Variants in ATG2A observed in about 807,000 individuals in gnomAD.
ATG2A encodes autophagy-related protein 2 homolog A.
ATG2A carries 103 observed loss-of-function variants against 214.2 expected under a neutral mutation model. The observed-to-expected ratio is 0.48, with a 90% CI of 0.41 to 0.57. The LOEUF (loss-of-function observed/expected upper bound fraction) is 0.57, where lower values mean the gene tolerates loss of function less well. ATG2A is among the 20% of genes least tolerant of loss of function. The probability of loss-of-function intolerance (pLI) is 0.00; values close to 1 mark genes in which losing one functional copy is unlikely to be tolerated. For synonymous variants in ATG2A, 1,160 were observed against 1,142.1 expected, an observed-to-expected ratio of 1.02 and a Z score of -0.32; for missense variants, 2,312 against 2,613.2, an observed-to-expected ratio of 0.88 and a Z score of 2.51.
chr11:64,910,012 C>A, intron 13 of ATG2A, 28 bp downstream of exon 13: 1 of 1,558,268 alleles, frequency 6.4e-7, no homozygotes, highest in South Asian at 1.2e-5. Flanking sequence ...CACCCACCCC[C>A]GGCCTGGCCC....
Position 64,898,729 on chromosome 11 carries a change from C to T in ATG2A, c.4578G>A (p.Leu1526=). ...LSRQVFIVQE[L]EVRDRLASSQ... ...AGGAGGCGAGCCGGTCTCGGACCTC[C>T]AGCTCCTGCACGATGAACACCTGAC... Residue 1526 remains leucine (L), a synonymous_variant, in exon 32 of 41, where the codon CTG becomes CTA. Coordinates refer to ENST00000377264, the MANE Select transcript of ATG2A (RefSeq NM_015104.3). This position sits in a 1 kb window ranked among gnomAD's most constrained non-coding sequence, Gnocchi z 4.5. The T allele has an allele frequency of 6.2e-7, 1 of 1,614,138 alleles. No individual in the cohort carries two copies. Among genetic ancestry groups the T allele is most frequent in the Non-Finnish European group, 8.5e-7 (1 of 1,180,034 alleles).
chr11:64,903,389 C>A lies in ATG2A; in HGVS notation c.3536-25G>T. Reference sequence around the variant, plus strand: ...TCTGCAGCAGAGGCGAGAGAAAGGTCCTGTGGCCCCCTTCCACCCGGCCCC... The same window carrying A: ...TCTGCAGCAGAGGCGAGAGAAAGGTACTGTGGCCCCCTTCCACCCGGCCCC... On this transcript the variant is annotated intron_variant, in intron 25 of 40. Coordinates refer to ENST00000377264, the MANE Select transcript of ATG2A (RefSeq NM_015104.3). This position sits in a 1 kb window ranked among gnomAD's most constrained non-coding sequence, Gnocchi z 4.2. 6.2e-7 allele frequency: 1 copy of A among 1,612,524 alleles called. No individual in the cohort carries two copies. Among genetic ancestry groups the A allele is most frequent in the South Asian group, 1.1e-5 (1 of 90,986 alleles).
intron 24 of ATG2A, among the ~76,000 whole-genome samples, chr11:64,904,814 T>TTTTA (rs1555184651): frequency 0.011 from 7 of 658 alleles, no homozygotes; most frequent in African/African-American, 0.012. Context: ...TTTCTATATT[T>TTTTA]TTTATCTATC....
chr11:64,913,139 G>A lies in ATG2A; in HGVS notation c.727-3C>T, dbSNP rs765797149. The A allele has an allele frequency of 3.2e-6, 5 of 1,583,634 alleles. No individual in the cohort carries two copies. In the African/African-American group the frequency reaches 6.7e-5, roughly 21 times the overall value. ...AAGGGGGGCTCTGGAGGCTCTTCCT[G>A]GGAGACGGGAGGATACAAGAGGGAA... On this transcript the variant is annotated splice_polypyrimidine_tract_variant and splice_region_variant and intron_variant, in intron 5 of 40. Coordinates refer to ENST00000377264, the MANE Select transcript of ATG2A (RefSeq NM_015104.3). The surrounding 1 kb of genome is among the most constrained non-coding windows in gnomAD (Gnocchi z 4.3).
chr11:64,898,530 G>T lies in ATG2A; in HGVS notation c.4671+106C>A. The T allele has an allele frequency of 7.0e-7, 1 of 1,423,744 alleles. No individual in the cohort carries two copies. Among genetic ancestry groups the T allele is most frequent in the Non-Finnish European group, 9.7e-7 (1 of 1,028,658 alleles). The allele number at this position is 1,423,744 out of a possible 1,614,324, so 88.2% of individuals were successfully genotyped here. A position where few individuals can be genotyped will look rare whatever the true frequency, so the allele number is the denominator to read the frequency against. ...TCCCAGGCTCACAAACAACCTGGGT[G>T]TTTGTGTGGGAATGCGTGTATGTGT... On this transcript the variant is annotated intron_variant, in intron 32 of 40. Transcript: ENST00000377264. This position sits in a 1 kb window ranked among gnomAD's most constrained non-coding sequence, Gnocchi z 4.5.
chr11:64,898,440 A>G lies in ATG2A; in HGVS notation c.4672-78T>C. 1 of 1,372,950 alleles carries G rather than the reference A, an allele frequency of 7.3e-7. No homozygotes were observed. Among genetic ancestry groups the G allele is most frequent in the Middle Eastern group, 2.5e-4 (1 of 3,962 alleles). The allele number at this position is 1,372,950 out of a possible 1,614,324, so 85.0% of individuals were successfully genotyped here. ...TCACCCAGCTGTTCCCTGACAGCTC[A>G]CCCAGCCACCCTGCCTCTGAACACG... On this transcript the variant is annotated intron_variant, in intron 32 of 40. Coordinates refer to ENST00000377264, the MANE Select transcript of ATG2A (RefSeq NM_015104.3). The surrounding 1 kb of genome is among the most constrained non-coding windows in gnomAD (Gnocchi z 4.5).
rs747495712 is a variant in ATG2A at position 64,894,797 on chromosome 11, C to T, written c.*176G>A. 1.2e-6 allele frequency: 1 copy of T among 825,212 alleles called. No homozygotes were observed. Among genetic ancestry groups the T allele is most frequent in the South Asian group, 1.4e-5 (1 of 73,286 alleles). 51.1% of individuals were successfully genotyped at this position (825,212 alleles called of 1,614,324 possible). ...GAAAAGTGCAGAGCCAGGGCTAAGG[C>T]CCCAAGGCAGGGAGGCCCCCCTCTC... On this transcript the variant is annotated 3_prime_UTR_variant, in exon 41 of 41. Coordinates refer to ENST00000377264, the MANE Select transcript of ATG2A (RefSeq NM_015104.3).
chr11:64,913,191 G>T lies in ATG2A; in HGVS notation c.727-55C>A. The T allele has an allele frequency of 6.2e-7, 1 of 1,608,086 alleles. No homozygotes were observed. Reference sequence around the variant, plus strand: ...GGTTGAGAAAATGGAGTCAGAGATGGTCAGAAAGGATGGGAGGGGCTCAAT... The same window carrying T: ...GGTTGAGAAAATGGAGTCAGAGATGTTCAGAAAGGATGGGAGGGGCTCAAT... On this transcript the variant is annotated intron_variant, in intron 5 of 40. Coordinates refer to ENST00000377264, the MANE Select transcript of ATG2A (RefSeq NM_015104.3). This position sits in a 1 kb window ranked among gnomAD's most constrained non-coding sequence, Gnocchi z 4.3.
Position 64,909,704 on chromosome 11 carries a change from TC to T in ATG2A, c.2083del (p.Glu695AsnfsTer42). The T allele has an allele frequency of 3.7e-6, 6 of 1,613,168 alleles. No individual in the cohort carries two copies. The highest frequency in any genetic ancestry group is 5.1e-6 in the Non-Finnish European group (6 of 1,179,968). ...GPGPPVPTHL[E>X]LTCSDLHGIY... ...ACCATGTAGGTCGGAGCAGGTGAGTTCCAGGTGGGTGGGGACTGGGGGACCA... is the reference window on the plus strand; with the variant it reads ...ACCATGTAGGTCGGAGCAGGTGAGTTCAGGTGGGTGGGGACTGGGGGACCA... On this transcript the variant is annotated frameshift_variant, in exon 14 of 41. Transcript: ENST00000377264. LOFTEE classifies it high-confidence loss of function.
intron 6 of ATG2A, 58 bp from the exon 7 acceptor site, chr11:64,912,481 C>T: frequency 7.1e-7 from 1 of 1,416,130 alleles, no homozygotes; most frequent in African/African-American, 1.4e-5. Context: ...CCTCTAAGAG[C>T]TACCACCCGC....
In ATG2A at chr11:64,898,885, A is replaced by G. The variant is rs957444630; in HGVS notation, c.4465-43T>C. 3.8e-6 allele frequency: 6 copies of G among 1,572,020 alleles called. No individual in the cohort carries two copies. In the Admixed American group the frequency reaches 5.1e-5, roughly 13 times the overall value. ...GCCTGGCCAGGTAAGCAGGGCCCCA[A>G]GAGGGAGGGAAGGGCTGGCCCCAGA... On this transcript the variant is annotated intron_variant, in intron 31 of 40. Transcript: ENST00000377264. The surrounding 1 kb of genome is among the most constrained non-coding windows in gnomAD (Gnocchi z 4.5).
Position 64,903,915 on chromosome 11 carries a change from T to A in ATG2A, c.3465-255A>T, listed in dbSNP as rs1417965223. On this transcript the variant is annotated intron_variant, in intron 24 of 40. Coordinates refer to ENST00000377264, the MANE Select transcript of ATG2A (RefSeq NM_015104.3). The surrounding 1 kb of genome is among the most constrained non-coding windows in gnomAD (Gnocchi z 4.2). ...TGACAGTCCTGGGAAGGGGTGTCCA[T>A]TTTTCTCCCTGCTGCATTTGTGGTT... 1.3e-5 allele frequency among the ~76,000 whole-genome samples: 2 copies of A among 152,198 alleles called. No homozygotes were observed. The highest frequency in any genetic ancestry group is 2.4e-5 in the African/African-American group (1 of 41,456).
chr11:64,913,013 C>T lies in ATG2A; in HGVS notation c.825+25G>A, dbSNP rs965693543. 2.0e-6 allele frequency: 3 copies of T among 1,495,196 alleles called. No individual in the cohort carries two copies. Among genetic ancestry groups the T allele is most frequent in the Non-Finnish European group, 2.7e-6 (3 of 1,112,442 alleles). 92.6% of individuals were successfully genotyped at this position (1,495,196 alleles called of 1,614,324 possible). On this transcript the variant is annotated intron_variant, in intron 6 of 40. Coordinates refer to ENST00000377264, the MANE Select transcript of ATG2A (RefSeq NM_015104.3). The surrounding 1 kb of genome is among the most constrained non-coding windows in gnomAD (Gnocchi z 4.3). Reference sequence around the variant, plus strand: ...GAGTCTTGAGATGGGGTACTCACCCCCTCCCCAGGGGCCTGGGGACCCACC... The same window carrying T: ...GAGTCTTGAGATGGGGTACTCACCCTCTCCCCAGGGGCCTGGGGACCCACC...
At position 64,898,405 on chromosome 11, in the gene ATG2A, G is replaced by T; in HGVS notation, c.4672-43C>A. On this transcript the variant is annotated intron_variant, in intron 32 of 40. Transcript: ENST00000377264. This position sits in a 1 kb window ranked among gnomAD's most constrained non-coding sequence, Gnocchi z 4.5. ...GTTCTGGACACCTGCTGGGCCTCTG[G>T]GGCAGCAGCTCACCCAGCTGTTCCC... is the stretch of plus-strand genomic sequence containing the variant. The T allele has an allele frequency of 1.3e-6, 2 of 1,512,422 alleles. No individual in the cohort carries two copies. Among genetic ancestry groups the T allele is most frequent in the Non-Finnish European group, 8.9e-7 (1 of 1,122,790 alleles). 93.7% of individuals were successfully genotyped at this position (1,512,422 alleles called of 1,614,324 possible).
Position 64,914,449 on chromosome 11 carries a change from C to A in ATG2A, c.223G>T (p.Gly75Cys), listed in dbSNP as rs1944901936. 2 of 1,612,822 alleles carry A rather than the reference C, an allele frequency of 1.2e-6. No homozygotes were observed. The highest frequency in any genetic ancestry group is 8.5e-7 in the Non-Finnish European group (1 of 1,179,808). Reference sequence around the variant, plus strand: ...GCCACCTCGATGGAGCCCACGAAGCCTTCCACCAGCTCCAGCGGTGACTCC... The same window carrying A: ...GCCACCTCGATGGAGCCCACGAAGCATTCCACCAGCTCCAGCGGTGACTCC... ...SMESPLELVE[G>C]FVGSIEVAVP... is the part of the protein sequence containing the mutation. The change falls in exon 2 of 41, where the codon GGC (glycine) becomes TGC (cysteine). Residue 75 changes from glycine (G) to cysteine (C), a missense_variant. By Grantham distance (159) the Gly-to-Cys change is radical. Transcript: ENST00000377264.
chr11:64,905,499 A>G, intron 24 of ATG2A, 64 bp downstream of exon 24: 2 of 1,481,520 alleles, frequency 1.3e-6, no homozygotes, highest in Admixed American at 3.9e-5. Context: ...CAGAGGACAC[A>G]CAGCTGGCAG....
At chr11:64,906,254 C>T (rs1944544225) in intron 21 of ATG2A, 61 bp from the exon 22 acceptor site, 1 of 1,605,390 alleles carries the variant, frequency 6.2e-7, no homozygotes. Context: ...ACTGGGGCCT[C>T]ACCGCGCACT....
At position 64,914,375 on chromosome 11, in the gene ATG2A, G is replaced by C; in HGVS notation, c.297C>G (p.Ser99=). 6.2e-7 allele frequency: 1 copy of C among 1,610,020 alleles called. No individual in the cohort carries two copies. Among genetic ancestry groups the C allele is most frequent in the Non-Finnish European group, 8.5e-7 (1 of 1,178,788 alleles). Reference sequence around the variant, plus strand: ...GGGGCTGCAAGGTGAGCTGGAGGCCGGACACGCGCACTGTGCAGTGGTCGG... The same window carrying C: ...GGGGCTGCAAGGTGAGCTGGAGGCCCGACACGCGCACTGTGCAGTGGTCGG... ...LLTDHCTVRV[S]GLQLTLQPRR... Residue 99 remains serine, a synonymous_variant, in exon 2 of 41, where the codon TCC becomes TCG. Coordinates refer to ENST00000377264, the MANE Select transcript of ATG2A (RefSeq NM_015104.3).
At position 64,913,413 on chromosome 11, in the gene ATG2A, A is replaced by AG; in HGVS notation, c.591-13dup. On this transcript the variant is annotated splice_polypyrimidine_tract_variant and intron_variant, in intron 4 of 40. Transcript: ENST00000377264. The surrounding 1 kb of genome is among the most constrained non-coding windows in gnomAD (Gnocchi z 4.3). ...CACAGTACTCCAGTCTGGAGAGTGT[A>AG]GGGTCAGCCCGTGCCCTGGCCACCC... The AG allele has an allele frequency of 6.4e-7, 1 of 1,568,680 alleles. No individual in the cohort carries two copies.
Sources: gnomAD v4.1 joint callset for allele counts (sites outside exome capture counted in the v4.1 genomes callset) on GRCh38, gnomAD v4.1.1 for gene constraint, Gnocchi (gnomAD v3.1) non-coding constraint, MANE v1.5 for transcripts, NCBI Gene and HGNC (gene_info 2026-07-23, HGNC 2026-07-21) for gene names.